The following ANO1 variants were observed in gnomAD, a reference collection of about 807,000 sequenced individuals.
ANO1 encodes the protein anoctamin-1.
Under a neutral mutation model 124.0 loss-of-function variants are expected in ANO1, and 59 were observed. The ratio of observed to expected loss-of-function variants is 0.48; its 90% confidence interval spans 0.39 to 0.59. The LOEUF is 0.59. Among genes scored for constraint, ANO1 ranks in the 20% least tolerant of loss-of-function variants. The pLI, the probability that ANO1 is intolerant of heterozygous loss-of-function variation, is 0.00. For missense variants in ANO1, 1,059 were observed against 1,328.0 expected (o/e 0.80, Z 3.15); for synonymous variants, 529 against 532.0 (o/e 0.99, Z 0.08).
intron 1 of ANO1, among the ~76,000 whole-genome samples, chr11:70,032,538 G>T (rs1367638584): frequency 2.7e-5 from 4 of 149,970 alleles, no homozygotes; most frequent in South Asian, 2.1e-4. Flanking sequence ...GCGGGAGAGG[G>T]GGGGGGTCTC....
chr11:70,084,535 C>T (rs376597953), intron 1 of ANO1, among the ~76,000 whole-genome samples: 1 of 152,278 alleles, frequency 6.6e-6, no homozygotes, highest in East Asian at 1.9e-4. Flanking sequence ...CAGAAACCAA[C>T]CCTGGGGCTC....
intron 1 of ANO1, among the ~76,000 whole-genome samples, chr11:70,054,372 G>A (rs1857401238): frequency 1.3e-5 from 2 of 152,246 alleles, no homozygotes; most frequent in Admixed American, 1.3e-4. Context: ...GGCAGATGTT[G>A]TGGGGCTGTG....
chr11:69,967,185 GCCCGTATCGCACGTTAGCT>G, the ANO1 span, among the ~76,000 whole-genome samples: 1 of 24,164 alleles, frequency 4.1e-5, no homozygotes, highest in African/African-American at 7.8e-5. Context: ...GGCTCTGAGC[GCCCGTATCGCACGTTAGCT>G]AGCATCAGGC....
At chr11:70,013,007 A>T (rs1291761701) in intron 1 of ANO1, among the ~76,000 whole-genome samples, 2 of 152,348 alleles carry the variant, frequency 1.3e-5, no homozygotes, top group African/African-American at 4.8e-5. Context: ...GGGCGCAATG[A>T]AGGAAAAGGG....
At chr11:70,154,940 C>T (rs185028491) in intron 14 of ANO1, among the ~76,000 whole-genome samples, 8 of 152,368 alleles carry the variant, frequency 5.3e-5, no homozygotes, top group Non-Finnish European at 5.9e-5. Flanking sequence ...AGGCCCTCTG[C>T]GCCCCTCATT....
At position 70,128,892 on chromosome 11, in the gene ANO1, G is replaced by A. The variant is rs533143717; in HGVS notation, c.1097+2697G>A. 1.1e-4 allele frequency among the ~76,000 whole-genome samples: 16 copies of A among 152,356 alleles called. No individual in the cohort carries two copies. The East Asian group carries it at 3.1e-3, about 29-fold the overall frequency. ...GAGGAGAGCCTAGGAGAGCGGTAGG[G>A]CTCATGGGCAGGCCGTTGGTGTACG... On this transcript the variant is annotated intron_variant, in intron 10 of 25. Transcript: ENST00000355303.
At chr11:69,977,824 GTGATC>G in the ANO1 span, among the ~76,000 whole-genome samples, 1 of 152,276 alleles carries the variant, frequency 6.6e-6, no homozygotes, top group Non-Finnish European at 1.5e-5. Flanking sequence ...GCACTTTGGA[GTGATC>G]TGAGGTCGGG....
At chr11:70,004,037 T>C (rs1387897276) in intron 1 of ANO1, among the ~76,000 whole-genome samples, 1 of 152,170 alleles carries the variant, frequency 6.6e-6, no homozygotes, top group African/African-American at 2.4e-5. Flanking sequence ...CTTTTCCTCC[T>C]GCTCCGACCC....
At chr11:70,164,161 G>C (rs978267917) in intron 19 of ANO1, among the ~76,000 whole-genome samples, 4 of 152,142 alleles carry the variant, frequency 2.6e-5, no homozygotes, top group Non-Finnish European at 5.9e-5. Context: ...CACAACCAGG[G>C]GCTCCATCAG....
rs370706870 is a variant in ANO1 at position 70,182,488 on chromosome 11, T to C, written c.2404-14T>C. The C allele has an allele frequency of 4.3e-5, 65 of 1,523,476 alleles. No homozygotes were observed. In the African/African-American group the frequency reaches 8.2e-4, roughly 19 times the overall value. The allele number at this position is 1,523,476 out of a possible 1,614,324, so 94.4% of individuals were successfully genotyped here. On this transcript the variant is annotated splice_polypyrimidine_tract_variant and intron_variant, in intron 23 of 25. Transcript: ENST00000355303. ...AGGCTGGGGGTCCCCCTCACTGCCA[T>C]GTCCCCTGCACAGGCCTTCGTGATC...
Position 70,161,633 on chromosome 11 carries a change from A to C in ANO1, c.1792A>C (p.Thr598Pro), listed in dbSNP as rs2048047485. ...ACCCCTCCCTCTAGAGGTCCCAAAG[A>C]CGGAGAAAAGCTTTGAGGAGAGGCT... is the stretch of plus-strand genomic sequence containing the variant. ...RWLTKIEVPK[T>P]EKSFEERLIF... Residue 598 changes from threonine (T) to proline (P), a missense_variant, in exon 18 of 26, where the codon ACG (threonine) becomes CCG (proline). Thr to Pro is a conservative substitution (Grantham distance 38). Coordinates refer to ENST00000355303, the MANE Select transcript of ANO1 (RefSeq NM_018043.7). 1 of 1,613,920 alleles carries C rather than the reference A, an allele frequency of 6.2e-7. No homozygotes were observed. Among genetic ancestry groups the C allele is most frequent in the Admixed American group, 1.7e-5 (1 of 60,016 alleles).
rs56246522 is a variant in ANO1, at chr11:70,002,461, C to CAAAAAAAA, written c.58+16304_58+16311dup. On this transcript the variant is annotated intron_variant, in intron 1 of 27. Coordinates refer to the ANO1 transcript ENST00000531349. ...CCTGGGCAACAAAGCGAGACTCCACCAAAAAAAAAAAAAAAACACCAAAAA... is the reference window on the plus strand; with the variant it reads ...CCTGGGCAACAAAGCGAGACTCCACCAAAAAAAAAAAAAAAAAAAAAAAACACCAAAAA... Among the ~76,000 whole-genome samples the CAAAAAAAA allele has an allele frequency of 2.1e-4, 20 of 94,958 alleles. 3 individuals carry two copies. The highest frequency in any genetic ancestry group is 1.2e-3 in the East Asian group (2 of 1,724). The allele number at this position is 94,958 out of a possible 152,430, so 62.3% of individuals were successfully genotyped here.
chr11:70,153,462 C>G (rs539856330), intron 14 of ANO1, among the ~76,000 whole-genome samples: 1 of 152,344 alleles, frequency 6.6e-6, no homozygotes, highest in Non-Finnish European at 1.5e-5. Flanking sequence ...AGCATTTCAA[C>G]CACAGGAACC....
intron 8 of ANO1, among the ~76,000 whole-genome samples, chr11:70,118,580 G>GGATGGATA (rs1377968333): frequency 1.4e-4 from 18 of 125,464 alleles, no homozygotes; most frequent in Non-Finnish European, 3.4e-4. Flanking sequence ...ATGGATAGAT[G>GGATGGATA]GATGGATGGA....
intron 1 of ANO1, among the ~76,000 whole-genome samples, chr11:70,000,143 T>C (rs1856353593): frequency 6.6e-6 from 1 of 152,016 alleles, no homozygotes; most frequent in Non-Finnish European, 1.5e-5. Context: ...GATAATAAAG[T>C]GGGGACATAG....
At chr11:70,127,918 C>G (rs1403474820) in intron 10 of ANO1, among the ~76,000 whole-genome samples, 1 of 152,226 alleles carries the variant, frequency 6.6e-6, no homozygotes, top group Non-Finnish European at 1.5e-5. Context: ...GCTGACCCTG[C>G]CCTGCAAGGG....
At chr11:70,034,680 C>T (rs1857063629) in intron 1 of ANO1, among the ~76,000 whole-genome samples, 1 of 152,108 alleles carries the variant, frequency 6.6e-6, no homozygotes, top group Non-Finnish European at 1.5e-5. Flanking sequence ...AGGCAAAGGG[C>T]ATCAGAAGGA....
chr11:70,180,701 T>C (rs1015422311), intron 23 of ANO1, among the ~76,000 whole-genome samples: 4 of 151,318 alleles, frequency 2.6e-5, no homozygotes, highest in African/African-American at 7.3e-5. Context: ...GAGACAGAGA[T>C]AGGAGGGAAG....
At chr11:70,174,861 T>C (rs1430278740) in intron 22 of ANO1, among the ~76,000 whole-genome samples, 1 of 151,590 alleles carries the variant, frequency 6.6e-6, no homozygotes, top group African/African-American at 2.4e-5. Context: ...CCCTGTCCCA[T>C]GGCAGTAAAG....
Sources: allele counts gnomAD v4.1 joint callset (sites outside exome capture counted in the v4.1 genomes callset), GRCh38; gene constraint gnomAD v4.1.1; transcripts MANE v1.5; gene names NCBI Gene and HGNC (gene_info 2026-07-23, HGNC 2026-07-21).